PHACTR3: variants seen among roughly 807,000 people sequenced by gnomAD.
PHACTR3 encodes protein phosphatase 1, regulatory subunit 123.
A neutral mutation model predicts 66.8 loss-of-function variants in PHACTR3; 16 were observed. The ratio of observed to expected loss-of-function variants is 0.24; its 90% CI spans 0.16 to 0.36. PHACTR3 has a LOEUF of 0.36. PHACTR3 is among the 10% of genes least tolerant of loss of function. The pLI is 1.00. For synonymous variants in PHACTR3, 323 were observed against 292.1 expected (o/e 1.11, Z -1.08); for missense variants, 647 against 719.9 (o/e 0.90, Z 1.16).
At chr20:59,845,000 A>C (rs2059124924) in intron 11 of PHACTR3, 189 bp from the exon 12 acceptor site, 1 of 465,290 alleles carries the variant, frequency 2.1e-6, no homozygotes, top group Non-Finnish European at 4.0e-6. Flanking sequence ...TATTAGCTAC[A>C]TACTAGCTTG....
Position 59,604,985 on chromosome 20 carries a change from C to A in PHACTR3, c.-30C>A. 7.8e-7 allele frequency: 1 copy of A among 1,287,464 alleles called. No homozygotes were observed. The highest frequency in any genetic ancestry group is 9.9e-7 in the Non-Finnish European group (1 of 1,011,608). The allele number at this position is 1,287,464 out of a possible 1,614,324, so 79.8% of individuals were successfully genotyped here. ...GGATGCTCTGATTCCACGCGGCTCGCTCTAACTTGCCCCCGCGCCGGCCGG... is the reference window on the plus strand; with the variant it reads ...GGATGCTCTGATTCCACGCGGCTCGATCTAACTTGCCCCCGCGCCGGCCGG... On this transcript the variant is annotated 5_prime_UTR_variant, in exon 1 of 13. Transcript: ENST00000371015.
chr20:59,718,814 C>T (rs571740168), intron 1 of PHACTR3, among the ~76,000 whole-genome samples: 11 of 152,320 alleles, frequency 7.2e-5, no homozygotes, highest in Admixed American at 2.6e-4. Context: ...CAACATATTT[C>T]AGCCTTGCGG....
chr20:59,678,796 C>T (rs1035016796), intron 1 of PHACTR3, among the ~76,000 whole-genome samples: 3 of 152,206 alleles, frequency 2.0e-5, no homozygotes, highest in Admixed American at 1.3e-4. Flanking sequence ...AATTTCCTGG[C>T]TGGGAGCACC....
At chr20:59,720,619 A>G (rs1410499692) in intron 1 of PHACTR3, among the ~76,000 whole-genome samples, 1 of 152,228 alleles carries the variant, frequency 6.6e-6, no homozygotes, top group African/African-American at 2.4e-5. Flanking sequence ...CCGAAGGTGC[A>G]CACAATCCCC....
chr20:59,722,161 G>A (rs1259460562), intron 1 of PHACTR3, among the ~76,000 whole-genome samples: 2 of 152,150 alleles, frequency 1.3e-5, no homozygotes, highest in Admixed American at 1.3e-4. Flanking sequence ...GAACCTGGGA[G>A]GCGGAGCTTG....
intron 1 of PHACTR3, among the ~76,000 whole-genome samples, chr20:59,672,121 GC>G (rs1260976439): frequency 1.3e-5 from 2 of 152,180 alleles, no homozygotes; most frequent in African/African-American, 4.8e-5. Flanking sequence ...TTCAGTTGTC[GC>G]AGCTGGGAGG....
At chr20:59,663,915 G>T (rs1364397336) in intron 1 of PHACTR3, among the ~76,000 whole-genome samples, 1 of 152,212 alleles carries the variant, frequency 6.6e-6, no homozygotes, top group Non-Finnish European at 1.5e-5. Context: ...TATGTATAAC[G>T]ATTATATTGT....
intron 1 of PHACTR3, among the ~76,000 whole-genome samples, chr20:59,661,547 A>G (rs1430230924): frequency 6.6e-6 from 1 of 152,192 alleles, no homozygotes; most frequent in Non-Finnish European, 1.5e-5. Flanking sequence ...TGGACAATGG[A>G]CAGGACCCCC....
At chr20:59,588,231 T>C (rs2033091853) in intron 1 of PHACTR3, among the ~76,000 whole-genome samples, 1 of 152,154 alleles carries the variant, frequency 6.6e-6, no homozygotes, top group Admixed American at 6.5e-5. Flanking sequence ...GCAGTAATAG[T>C]GCACAGGAAG....
chr20:59,840,343 T>G, intron 9 of PHACTR3, 26 bp from the exon 10 acceptor site: 1 of 1,598,754 alleles, frequency 6.3e-7, no homozygotes, highest in Non-Finnish European at 8.5e-7. Flanking sequence ...TTGTTATTTT[T>G]TTTTTCCTAT....
At chr20:59,668,803 A>T (rs1601050539) in intron 1 of PHACTR3, among the ~76,000 whole-genome samples, 1 of 152,086 alleles carries the variant, frequency 6.6e-6, no homozygotes, top group East Asian at 1.9e-4. Context: ...TGGGTTCAAG[A>T]GGTTCTCCTG....
At chr20:59,702,210 A>T (rs1385726677) in intron 1 of PHACTR3, among the ~76,000 whole-genome samples, 2 of 152,110 alleles carry the variant, frequency 1.3e-5, no homozygotes, top group Non-Finnish European at 2.9e-5. Context: ...TGCTCTTAGA[A>T]GGTCATTCAG....
At chr20:59,622,597 G>C (rs1454109930) in intron 1 of PHACTR3, among the ~76,000 whole-genome samples, 2 of 152,142 alleles carry the variant, frequency 1.3e-5, no homozygotes, top group African/African-American at 4.8e-5. Context: ...TGCTGCGAGG[G>C]GTGCTCCCTG....
chr20:59,800,287 T>C (rs976482837), intron 7 of PHACTR3, among the ~76,000 whole-genome samples: 9 of 152,240 alleles, frequency 5.9e-5, no homozygotes, highest in Non-Finnish European at 1.2e-4. Context: ...TTCTATTGGC[T>C]ATCATCTTCC....
chr20:59,639,062 TGG>T (rs2035008433), intron 1 of PHACTR3, among the ~76,000 whole-genome samples: 2 of 5,856 alleles, frequency 3.4e-4, no homozygotes, highest in Non-Finnish European at 6.3e-4. Context: ...GATGGATAGA[TGG>T]ATGGATGGAT....
At chr20:59,588,615 G>C (rs952938471) in intron 1 of PHACTR3, among the ~76,000 whole-genome samples, 6 of 152,168 alleles carry the variant, frequency 3.9e-5, no homozygotes, top group African/African-American at 1.4e-4. Flanking sequence ...CCCATCCTCA[G>C]CCTCCCGCCA....
intron 7 of PHACTR3, among the ~76,000 whole-genome samples, chr20:59,782,958 T>C (rs7263842): frequency 0.039 from 5,954 of 152,286 alleles, 342 homozygotes; most frequent in African/African-American, 0.13. Flanking sequence ...AAGCCTTCTT[T>C]GCAGGCTCCG....
chr20:59,684,646 T>A (rs1195583704), intron 1 of PHACTR3, among the ~76,000 whole-genome samples: 2 of 152,186 alleles, frequency 1.3e-5, no homozygotes, highest in African/African-American at 4.8e-5. Flanking sequence ...TCCTTCCTAC[T>A]GTGGATTTGC....
chr20:59,683,090 T>C (rs1164366999), intron 1 of PHACTR3, among the ~76,000 whole-genome samples: 2 of 152,020 alleles, frequency 1.3e-5, no homozygotes, highest in African/African-American at 4.8e-5. Flanking sequence ...TTCTAGAAGG[T>C]AGAATGATGC....
Sources: allele counts gnomAD v4.1 joint callset (sites outside exome capture counted in the v4.1 genomes callset), GRCh38; gene constraint gnomAD v4.1.1; transcripts MANE v1.5; gene names NCBI Gene and HGNC (gene_info 2026-07-23, HGNC 2026-07-21).